The following CLIP1 variants were observed in gnomAD, a reference collection of about 807,000 sequenced individuals.
CLIP1 encodes CAP-Gly domain-containing linker protein 1.
CLIP1 carries 66 observed loss-of-function variants against 161.6 expected under a neutral mutation model. The observed-to-expected ratio is 0.41, with a 90% confidence interval of 0.33 to 0.50. The LOEUF (loss-of-function observed/expected upper bound fraction) is 0.50, where lower values mean the gene tolerates loss of function less well. CLIP1 is among the 20% of genes least tolerant of loss of function. The pLI is 0.27. For missense variants in CLIP1, 1,376 were observed against 1,702.0 expected, an observed-to-expected ratio of 0.81 and a Z score of 3.37; for synonymous variants, 598 against 626.2, an observed-to-expected ratio of 0.96 and a Z score of 0.67.
chr12:122,337,445 CAAAA>C (rs1163606204), intron 11 of CLIP1, among the ~76,000 whole-genome samples: 2 of 70,932 alleles, frequency 2.8e-5, no homozygotes, highest in Non-Finnish European at 2.8e-5. Flanking sequence ...GACTCTGCCT[CAAAA>C]AAAAAAAAAA....
intron 19 of CLIP1, among the ~76,000 whole-genome samples, chr12:122,312,860 G>A (rs1018804583): frequency 6.6e-6 from 1 of 152,126 alleles, no homozygotes; most frequent in Non-Finnish European, 1.5e-5. Flanking sequence ...AAGCTCCAGA[G>A]GACACGCAAA....
chr12:122,280,349 T>C (rs1955598871), intron 21 of CLIP1: 1 of 152,172 alleles, frequency 6.6e-6, no homozygotes, highest in South Asian at 2.1e-4. Context: ...AGTGCTGGGA[T>C]TACAGGCGTG....
At chr12:122,399,485 G>A (rs547404096) in intron 1 of CLIP1, 15 of 152,310 alleles carry the variant, frequency 9.8e-5, no homozygotes, top group Non-Finnish European at 1.6e-4. Context: ...CACATAGAGC[G>A]GCATCACGTT....
rs761973530 is a variant in CLIP1 at position 122,272,871 on chromosome 12, T to C, written c.*4A>G. Reference sequence around the variant, plus strand: ...GCAAGCCCAGTTCTCCACTGGAGGCTTCATCAGAAGGTTTCGTCGTCATTG... The same window carrying C: ...GCAAGCCCAGTTCTCCACTGGAGGCCTCATCAGAAGGTTTCGTCGTCATTG... On this transcript the variant is annotated 3_prime_UTR_variant, in exon 26 of 26. Transcript: ENST00000620786. 3 of 1,614,012 alleles carry C rather than the reference T, an allele frequency of 1.9e-6. No homozygotes were observed. In the South Asian group the frequency reaches 3.3e-5, roughly 18 times the overall value.
chr12:122,371,331 G>A (rs1954438206), intron 3 of CLIP1, among the ~76,000 whole-genome samples: 3 of 152,118 alleles, frequency 2.0e-5, no homozygotes, highest in Admixed American at 2.0e-4. Flanking sequence ...AGCCCCAAGA[G>A]CCTATACAAA....
At chr12:122,399,432 C>T (rs938764818) in intron 1 of CLIP1, 1 of 152,146 alleles carries the variant, frequency 6.6e-6, no homozygotes, top group Non-Finnish European at 1.5e-5. Flanking sequence ...AGAAAGAACC[C>T]AGATCTGATA....
intron 24 of CLIP1, chr12:122,277,275 T>G (rs1955465365): frequency 6.6e-6 from 1 of 151,964 alleles, no homozygotes; most frequent in Admixed American, 6.6e-5. Flanking sequence ...TTAAAAACTT[T>G]TTTTTAATTA....
intron 20 of CLIP1, among the ~76,000 whole-genome samples, chr12:122,290,714 A>G (rs1462688275): frequency 6.6e-6 from 1 of 152,178 alleles, no homozygotes; most frequent in African/African-American, 2.4e-5. Flanking sequence ...TAGAGGGTCC[A>G]TGTGCCTGAA....
intron 11 of CLIP1, among the ~76,000 whole-genome samples, chr12:122,337,494 G>A (rs1450601638): frequency 6.7e-6 from 1 of 149,986 alleles, no homozygotes; most frequent in Non-Finnish European, 1.5e-5. Context: ...TCACCATGCT[G>A]CCCAGGCTGG....
chr12:122,328,330 C>T lies in CLIP1; in HGVS notation c.2964G>A (p.Gln988=). Reference sequence around the variant, plus strand: ...GCTTTTTAGCTGCTTCTTGCTGGCTCTGTTCAGCTTTGACAGTCATGTCCT... The same window carrying T: ...GCTTTTTAGCTGCTTCTTGCTGGCTTTGTTCAGCTTTGACAGTCATGTCCT... ...SIEDMTVKAE[Q]SQQEAAKKHE... Residue 988 remains glutamine (Q), a synonymous_variant, in exon 16 of 26, where the codon CAG becomes CAA. Transcript: ENST00000620786. 6.2e-7 allele frequency: 1 copy of T among 1,614,136 alleles called. No homozygotes were observed. Among genetic ancestry groups the T allele is most frequent in the East Asian group, 2.2e-5 (1 of 44,884 alleles).
chr12:122,361,000 C>A lies in CLIP1; in HGVS notation c.964G>T (p.Val322Leu). 1 of 1,614,096 alleles carries A rather than the reference C, an allele frequency of 6.2e-7. No individual in the cohort carries two copies. Residue 322 changes from valine (V) to leucine (L), a missense_variant, in exon 5 of 26, where the codon GTG becomes TTG. Transcript: ENST00000620786. ...GGCCTGCTGCTCACAGAGGAGGCCA[C>A]TGAGCTCATGGAGCTGAGGGAAGAG... ...SASSLSSMSS[V>L]ASSVSSRPSR...
rs552426756 is a variant in CLIP1 at position 122,290,283 on chromosome 12, T to C, written c.3595-1742A>G. Among the ~76,000 whole-genome samples, 8 of 152,300 alleles carry C rather than the reference T, an allele frequency of 5.3e-5. No homozygotes were observed. In the South Asian group the frequency reaches 1.7e-3, roughly 32 times the overall value. On this transcript the variant is annotated intron_variant, in intron 20 of 25. Transcript: ENST00000620786. ...ATCTGTAAATGTTAACATAGTTTTA[T>C]AGACTCTTTGATGTCCTAGCCCATT...
At chr12:122,373,967 G>A (rs1954585639) in intron 3 of CLIP1, among the ~76,000 whole-genome samples, 1 of 152,086 alleles carries the variant, frequency 6.6e-6, no homozygotes, top group African/African-American at 2.4e-5. Flanking sequence ...AGTTATTTAA[G>A]GTTCAAACAC....
chr12:122,313,444 T>C (rs1566103992), intron 19 of CLIP1, among the ~76,000 whole-genome samples: 1 of 152,176 alleles, frequency 6.6e-6, no homozygotes, highest in Non-Finnish European at 1.5e-5. Context: ...TTATGTCACC[T>C]GGCCGGGCGT....
chr12:122,286,520 TAAAAAAAAAAAAA>T (rs57260606), intron 21 of CLIP1, among the ~76,000 whole-genome samples: 507 of 28,280 alleles, frequency 0.018, 12 homozygotes, highest in African/African-American at 0.049. Context: ...GACTCTGTCT[TAAAAAAAAAAAAA>T]AAAAAAAAAA....
At chr12:122,334,348 TCTCTTTC>T (rs1291796965) in intron 13 of CLIP1, among the ~76,000 whole-genome samples, 1 of 152,162 alleles carries the variant, frequency 6.6e-6, no homozygotes, top group Non-Finnish European at 1.5e-5. Context: ...TCCACTCATC[TCTCTTTC>T]CTCCTTCCAG....
intron 5 of CLIP1, among the ~76,000 whole-genome samples, chr12:122,358,840 C>G (rs1953637218): frequency 6.6e-6 from 1 of 151,886 alleles, no homozygotes; most frequent in Admixed American, 6.6e-5. Flanking sequence ...GCGGGCAGAT[C>G]ACCTGAGGTC....
At chr12:122,339,996 T>C (rs911737977) in intron 11 of CLIP1, among the ~76,000 whole-genome samples, 4 of 152,130 alleles carry the variant, frequency 2.6e-5, no homozygotes, top group South Asian at 4.1e-4. Context: ...CCTTTGTTTA[T>C]GTGGTCCATT....
At chr12:122,387,144 AG>A (rs1955310115) in intron 1 of CLIP1, among the ~76,000 whole-genome samples, 1 of 152,088 alleles carries the variant, frequency 6.6e-6, no homozygotes, top group African/African-American at 2.4e-5. Context: ...CTCCCGCCTC[AG>A]CCTCCCAAAG....
Sources: allele counts gnomAD v4.1 joint callset (sites outside exome capture counted in the v4.1 genomes callset), GRCh38; gene constraint gnomAD v4.1.1; transcripts MANE v1.5; gene names NCBI Gene and HGNC (gene_info 2026-07-23, HGNC 2026-07-21).